Variants in ABCA13 observed in about 807,000 individuals in gnomAD.
The protein encoded by ABCA13 is ATP-binding cassette sub-family A member 13.
In ABCA13, 476 loss-of-function variants were observed where a neutral mutation model predicts 478.7. The ratio of observed to expected loss-of-function variants is 0.99; its 90% CI spans 0.92 to 1.07. ABCA13 has a LOEUF of 1.07. ABCA13 is among the 50% of genes least tolerant of loss of function. ABCA13 has a pLI of 0.00. For synonymous variants in ABCA13, 2,252 were observed against 2,158.9 expected, an observed-to-expected ratio of 1.04 and a Z score of -1.20; for missense variants, 6,060 against 5,910.6, an observed-to-expected ratio of 1.03 and a Z score of -0.83.
At chr7:48,392,465 T>A (rs942508526) in intron 38 of ABCA13, among the ~76,000 whole-genome samples, 1 of 152,166 alleles carries the variant, frequency 6.6e-6, no homozygotes, top group African/African-American at 2.4e-5. Context: ...TGAAAAGAAT[T>A]CAAAGGCAGC....
Position 48,274,909 on chromosome 7 carries a change from A to G in ABCA13, c.5243A>G (p.Tyr1748Cys), listed in dbSNP as rs1796094949. Residue 1748 changes from tyrosine to cysteine, a missense_variant, in exon 17 of 62, where the codon TAT becomes TGT. Physicochemically the swap from Tyr to Cys is radical, Grantham distance 194. Transcript: ENST00000435803. Reference protein sequence around the residue: ...DVVDAVIDVYYVLPHAVRLLQ... With the variant: ...DVVDAVIDVYCVLPHAVRLLQ... The stretch of plus-strand genomic sequence containing the variant: ...GTGGATGCTGTGATAGATGTGTACT[A>G]TGTGCTTCCTCATGCTGTAAGGCTC... 1.2e-6 allele frequency: 2 copies of G among 1,613,906 alleles called. No individual in the cohort carries two copies. Among genetic ancestry groups the G allele is most frequent in the Admixed American group, 3.3e-5 (2 of 60,016 alleles).
chr7:48,467,568 C>G (rs1827020231), intron 44 of ABCA13, among the ~76,000 whole-genome samples: 2 of 152,064 alleles, frequency 1.3e-5, no homozygotes, highest in Admixed American at 6.6e-5. Context: ...TAGGGGAGGC[C>G]TTTCTTTATA....
At chr7:48,565,753 C>A (rs1375559957) in intron 55 of ABCA13, among the ~76,000 whole-genome samples, 2 of 152,176 alleles carry the variant, frequency 1.3e-5, no homozygotes, top group Non-Finnish European at 2.9e-5. Flanking sequence ...CAATGTCAAG[C>A]TGTCATGGAG....
At chr7:48,476,640 G>C (rs1394474216) in intron 45 of ABCA13, among the ~76,000 whole-genome samples, 1 of 152,132 alleles carries the variant, frequency 6.6e-6, no homozygotes, top group Non-Finnish European at 1.5e-5. Context: ...ATCCTGCCAG[G>C]TTATAAACTA....
Position 48,410,300 on chromosome 7 carries a change from T to C in ABCA13, c.12071-220T>C, listed in dbSNP as rs183117573. ...CTGGCAGAGCACCCACTTTTGTTCA[T>C]GGGGGTGGGGATGGGAGATCCGTGG... On this transcript the variant is annotated intron_variant, in intron 39 of 61. Transcript: ENST00000435803. Among the ~76,000 whole-genome samples, 118 of 151,990 alleles carry C rather than the reference T, an allele frequency of 7.8e-4. 1 individual carries two copies. Among genetic ancestry groups the C allele is most frequent in the African/African-American group, 2.7e-3 (111 of 41,512 alleles).
intron 1 of ABCA13, among the ~76,000 whole-genome samples, chr7:48,174,496 A>G (rs1206637728): frequency 6.6e-6 from 1 of 152,148 alleles, no homozygotes; most frequent in Non-Finnish European, 1.5e-5. Context: ...AATTTAAAAA[A>G]ATAGAATAAT....
At chr7:48,618,190 C>T (rs1454254082) in intron 59 of ABCA13, among the ~76,000 whole-genome samples, 1 of 152,270 alleles carries the variant, frequency 6.6e-6, no homozygotes, top group South Asian at 2.1e-4. Flanking sequence ...CCTTCCCACC[C>T]TCTGTCGGTT....
rs1454393069 is a variant in ABCA13 at position 48,249,212 on chromosome 7, G to C, written c.1866G>C (p.Val622=). 6.2e-7 allele frequency: 1 copy of C among 1,603,978 alleles called. No individual in the cohort carries two copies. The highest frequency in any genetic ancestry group is 8.5e-7 in the Non-Finnish European group (1 of 1,174,334). ...SDCKHQLVST[V]IFHTLEKTQF... ...TTCTCTGGATTCTTTTTGATTGCAG[G>C]ATATTTCATACACTTGAAAAAACAC... The change falls in exon 15 of 62, where the codon GTG becomes GTC. Residue 622 remains valine (V), a splice_region_variant and synonymous_variant. Coordinates refer to ENST00000435803, the MANE Select transcript of ABCA13 (RefSeq NM_152701.5).
chr7:48,187,440 C>A (rs965904267), intron 1 of ABCA13, among the ~76,000 whole-genome samples: 17 of 151,800 alleles, frequency 1.1e-4, no homozygotes, highest in African/African-American at 4.1e-4. Flanking sequence ...GGGAAATTCT[C>A]CTATCTTATA....
Position 48,559,784 on chromosome 7 carries a change from G to T in ABCA13, c.14355-20440G>T, listed in dbSNP as rs571553553. Among the ~76,000 whole-genome samples, 203 of 152,224 alleles carry T rather than the reference G, an allele frequency of 1.3e-3. 2 individuals carry two copies. Among genetic ancestry groups the T allele is most frequent in the African/African-American group, 4.8e-3 (200 of 41,550 alleles). On this transcript the variant is annotated intron_variant, in intron 55 of 61. Coordinates refer to ENST00000435803, the MANE Select transcript of ABCA13 (RefSeq NM_152701.5). ...CCACGACTGGGGCCTTCCTTTCAAG[G>T]CAGCGGGTTCCCTTCTGGCTGAAGT...
chr7:48,242,343 T>C (rs1250715564), intron 10 of ABCA13, among the ~76,000 whole-genome samples: 1 of 152,078 alleles, frequency 6.6e-6, no homozygotes, highest in Non-Finnish European at 1.5e-5. Flanking sequence ...GCCCACATTC[T>C]TCTGCCCCCA....
chr7:48,284,820 T>C (rs1390061724), intron 19 of ABCA13, among the ~76,000 whole-genome samples: 1 of 152,144 alleles, frequency 6.6e-6, no homozygotes, highest in Admixed American at 6.5e-5. Context: ...TCCTGTAGAA[T>C]AGGAGGGCAG....
intron 56 of ABCA13, among the ~76,000 whole-genome samples, chr7:48,586,600 A>T (rs1789205218): frequency 6.6e-6 from 1 of 152,114 alleles, no homozygotes. Context: ...AGGGCGTGTG[A>T]CAAGGGGTGA....
At chr7:48,218,609 C>T in intron 3 of ABCA13, among the ~76,000 whole-genome samples, 1 of 152,196 alleles carries the variant, frequency 6.6e-6, no homozygotes, top group South Asian at 2.1e-4. Context: ...AGAAGGTCCT[C>T]TAAGCCAGTG....
chr7:48,455,058 C>T lies in ABCA13; in HGVS notation c.12587C>T (p.Ala4196Val). The change falls in exon 43 of 62, where the codon GCA (alanine) becomes GTA (valine). Residue 4196 changes from alanine to valine, a missense_variant. Around this residue, in one of 3 missense-constraint regions of ABCA13, gnomAD observed 1,627 missense variants for 1,571.0 expected, o/e 1.04. Transcript: ENST00000435803. ...SGYCGSLARPATVQGVQLLRA... is the reference protein window; with the variant it reads ...SGYCGSLARPVTVQGVQLLRA... ...GCAGGTGGCTCCCTAGCACGGCCCG[C>T]AACTGTGCAGGGCGTCCAGCTGCTC... 6.5e-7 allele frequency: 1 copy of T among 1,535,702 alleles called. No homozygotes were observed.
At chr7:48,297,136 G>A (rs764218988) in intron 21 of ABCA13, 96 bp from the exon 22 acceptor site, 3 of 996,028 alleles carry the variant, frequency 3.0e-6, no homozygotes, top group Non-Finnish European at 3.0e-6. Context: ...TTGTTATCCA[G>A]TCCATCTCTT....
intron 42 of ABCA13, among the ~76,000 whole-genome samples, chr7:48,437,368 A>G (rs1822989722): frequency 6.6e-6 from 1 of 152,082 alleles, no homozygotes; most frequent in African/African-American, 2.4e-5. Flanking sequence ...TTTGCATGAA[A>G]TGGCTTTTCC....
At chr7:48,417,999 T>C (rs1820259603) in intron 41 of ABCA13, among the ~76,000 whole-genome samples, 2 of 152,220 alleles carry the variant, frequency 1.3e-5, no homozygotes, top group Admixed American at 6.5e-5. Flanking sequence ...CTCTGTGTCT[T>C]TTCATGGCTT....
intron 39 of ABCA13, among the ~76,000 whole-genome samples, chr7:48,410,186 C>T (rs1047391165): frequency 5.3e-5 from 8 of 150,374 alleles, no homozygotes; most frequent in African/African-American, 4.9e-5. Flanking sequence ...TTATTCTCTC[C>T]GTTCATTCAG....
Sources: gnomAD v4.1 joint callset for allele counts (sites outside exome capture counted in the v4.1 genomes callset) on GRCh38, gnomAD v4.1.1 for gene constraint, gnomAD v4.1.1 regional missense constraint, MANE v1.5 for transcripts, NCBI Gene and HGNC (gene_info 2026-07-23, HGNC 2026-07-21) for gene names.